The following MASP2 variants were observed in gnomAD, a reference collection of about 807,000 sequenced individuals.
MASP2 encodes the protein mannan-binding lectin serine protease 2.
Under a neutral mutation model 57.1 loss-of-function variants are expected in MASP2, and 49 were observed. That is an observed-to-expected ratio of 0.86 (90% CI 0.68 to 1.09). The LOEUF is 1.09. Among genes scored for constraint, MASP2 ranks in the 50% least tolerant of loss-of-function variants. The probability of loss-of-function intolerance (pLI) is 0.00; values close to 1 mark genes in which losing one functional copy is unlikely to be tolerated. For missense variants in MASP2, 900 were observed against 874.8 expected, an observed-to-expected ratio of 1.03 and a Z score of -0.36; for synonymous variants, 379 against 340.8, an observed-to-expected ratio of 1.11 and a Z score of -1.24.
At chr1:11,043,234 C>T in intron 5 of MASP2, 105 bp downstream of exon 5, 1 of 1,133,300 alleles carries the variant, frequency 8.8e-7, no homozygotes, top group Admixed American at 2.3e-5. Flanking sequence ...GTGGGGGTCA[C>T]CGAGGGTGAC....
intron 4 of MASP2, chr1:11,044,820 T>C (rs935407134): frequency 5.2e-6 from 8 of 1,530,588 alleles, no homozygotes; most frequent in Non-Finnish European, 7.0e-6. Flanking sequence ...AGGTTTATTA[T>C]TGGGTCCATG....
At chr1:11,032,370 G>A (rs944971004) in intron 8 of MASP2, among the ~76,000 whole-genome samples, 1 of 152,166 alleles carries the variant, frequency 6.6e-6, no homozygotes, top group African/African-American at 2.4e-5. Flanking sequence ...GCAGCACTTT[G>A]GGAGGCCAAG....
At chr1:11,028,224 AAAAG>A (rs976620369) in intron 10 of MASP2, among the ~76,000 whole-genome samples, 3 of 152,204 alleles carry the variant, frequency 2.0e-5, no homozygotes, top group Admixed American at 6.5e-5. Context: ...TCTCAAAAAA[AAAAG>A]GAGATTAGGA....
At chr1:11,044,685 A>G in intron 4 of MASP2, 1 of 997,234 alleles carries the variant, frequency 1.0e-6, no homozygotes, top group Admixed American at 2.8e-5. Flanking sequence ...CTGTGGCCCC[A>G]TGGAGGAGGC....
Position 11,030,485 on chromosome 1 carries a change from AATG to A in MASP2, c.1223-238_1223-236del, listed in dbSNP as rs1172078424. The A allele has an allele frequency of 6.0e-5, 35 of 579,476 alleles. No individual in the cohort carries two copies. In the East Asian group the frequency reaches 9.6e-4, roughly 16 times the overall value. The allele number at this position is 579,476 out of a possible 1,614,324, so 35.9% of individuals were successfully genotyped here. A position where few individuals can be genotyped will look rare whatever the true frequency, so the allele number is the denominator to read the frequency against. ...ATATGTATCAAGATCTCAAGTGCTT[AATG>A]ATAAGGTGTTGACTTGTTAAATTAA... On this transcript the variant is annotated intron_variant, in intron 9 of 10. Transcript: ENST00000400897.
Position 11,026,691 on chromosome 1 carries a change from T to C in MASP2, c.*194A>G. 2.4e-6 allele frequency: 1 copy of C among 424,678 alleles called. No homozygotes were observed. 26.3% of individuals were successfully genotyped at this position (424,678 alleles called of 1,614,324 possible). A position where few individuals can be genotyped will look rare whatever the true frequency, so the allele number is the denominator to read the frequency against. On this transcript the variant is annotated 3_prime_UTR_variant, in exon 11 of 11. Coordinates refer to ENST00000400897, the MANE Select transcript of MASP2 (RefSeq NM_006610.4). ...GTCACTCTCGTGGTTTATGTCCCCT[T>C]GAGTCAATGGGTAAGGCTGGAATTA...
chr1:11,037,077 G>A (rs891351976), intron 7 of MASP2, among the ~76,000 whole-genome samples: 4 of 152,018 alleles, frequency 2.6e-5, no homozygotes, highest in Non-Finnish European at 4.4e-5. Flanking sequence ...TTTTGAGACA[G>A]AGTCTTGCTC....
Position 11,030,189 on chromosome 1 carries a change from T to G in MASP2, c.1284A>C (p.Pro428=). The G allele has an allele frequency of 6.2e-7, 1 of 1,612,844 alleles. No individual in the cohort carries two copies. ...WTSSKGEKSL[P]VCEPVCGLSA... ...TGTATCCATTACCAGGCTCACAGAC[T>G]GGGAGTGATTTTTCTCCTTTGGAGC... Residue 428 remains proline (P), a synonymous_variant, in exon 10 of 11, where the codon CCA becomes CCC. Coordinates refer to ENST00000400897, the MANE Select transcript of MASP2 (RefSeq NM_006610.4).
chr1:11,029,641 T>A (rs1643808326), intron 10 of MASP2: 1 of 138,838 alleles, frequency 7.2e-6, no homozygotes, highest in African/African-American at 2.6e-5. Flanking sequence ...AATCTTTTTT[T>A]TTTTTTTTTT....
At chr1:11,040,219 C>T (rs1217619789) in intron 6 of MASP2, among the ~76,000 whole-genome samples, 2 of 150,870 alleles carry the variant, frequency 1.3e-5, no homozygotes, top group Non-Finnish European at 3.0e-5. Context: ...GCCTGTAATC[C>T]CAGCACTTCG....
chr1:11,026,979 C>A lies in MASP2; in HGVS notation c.1967G>T (p.Gly656Val). 1 of 1,585,274 alleles carries A rather than the reference C, an allele frequency of 6.3e-7. No individual in the cohort carries two copies. The highest frequency in any genetic ancestry group is 8.6e-7 in the Non-Finnish European group (1 of 1,167,274). ...RWFVGGIVSWGSMNCGEAGQY... is the reference protein window; with the variant it reads ...RWFVGGIVSWVSMNCGEAGQY... The stretch of plus-strand genomic sequence containing the variant: ...ACCTGCTTCCCCACAATTCATGGAA[C>A]CCCAGGACACTATTCCTCCCACAAA... Residue 656 changes from glycine (G) to valine (V), a missense_variant, in exon 11 of 11, where the codon GGT (glycine) becomes GTT (valine). Transcript: ENST00000400897.
rs372402760 is a variant in MASP2 at position 11,027,636 on chromosome 1, G to C, written c.1310C>G (p.Ser437Ter). ...LPVCEPVCGL[S>*]ARTTGGRIYG... is the part of the protein sequence containing the mutation. ...TATACGCCCTCCTGTTGTGCGGGCT[G>C]ATAGTCCACAAACTGGAGAAAGAAG... Residue 437 changes from serine (S) to a stop codon, truncating the protein, a stop_gained, in exon 11 of 11, where the codon TCA becomes TGA. Coordinates refer to ENST00000400897, the MANE Select transcript of MASP2 (RefSeq NM_006610.4). LOFTEE classifies it low-confidence loss of function (END_TRUNC). 6.2e-7 allele frequency: 1 copy of C among 1,604,452 alleles called. No homozygotes were observed. Among genetic ancestry groups the C allele is most frequent in the African/African-American group, 1.3e-5 (1 of 74,554 alleles).
chr1:11,031,730 A>C (rs1457660792), intron 8 of MASP2, among the ~76,000 whole-genome samples: 2 of 151,878 alleles, frequency 1.3e-5, no homozygotes, highest in Admixed American at 1.3e-4. Flanking sequence ...GGAGTTCAGG[A>C]CCAGTCTGGG....
intron 7 of MASP2, 74 bp downstream of exon 7, chr1:11,037,619 A>C: frequency 2.3e-6 from 2 of 879,934 alleles, no homozygotes; most frequent in Non-Finnish European, 3.5e-6. Context: ...TTCCTTTCAC[A>C]TATCTGCAGA....
intron 8 of MASP2, among the ~76,000 whole-genome samples, 174 bp from the exon 9 acceptor site, chr1:11,031,056 G>A (rs921534285): frequency 4.0e-5 from 6 of 151,878 alleles, no homozygotes; most frequent in South Asian, 4.2e-4. Flanking sequence ...TTAAAAAGCC[G>A]AGCATGGTGG....
In MASP2 at chr1:11,030,244, T is replaced by C. The variant is rs370149868; in HGVS notation, c.1229A>G (p.Tyr410Cys). Residue 410 changes from tyrosine to cysteine, a missense_variant, in exon 10 of 11, where the codon TAT becomes TGT. By Grantham distance (194) the Tyr-to-Cys change is radical. Transcript: ENST00000400897. ...CCAGAATCCATCAGCCTCACACACA[T>C]ATTTACCTGCAAATCATTGGAAAAG... Reference protein sequence around the residue: ...FYTMKVNDGKYVCEADGFWTS... With the variant: ...FYTMKVNDGKCVCEADGFWTS... 5.6e-6 allele frequency: 9 copies of C among 1,612,418 alleles called. No homozygotes were observed. Among genetic ancestry groups the C allele is most frequent in the East Asian group, 4.5e-5 (2 of 44,856 alleles).
chr1:11,043,983 C>T (rs1165308643), intron 4 of MASP2, among the ~76,000 whole-genome samples: 5 of 152,084 alleles, frequency 3.3e-5, no homozygotes, highest in African/African-American at 9.7e-5. Flanking sequence ...CCTGGGAATT[C>T]GGGAAAAGAG....
chr1:11,034,826 A>C lies in MASP2; in HGVS notation c.1087+2T>G, dbSNP rs1643876025. ...GGGCCTGTAGTCACCACACGACCGTACTGCTGCACGCGGGCATTGGCCGGT... is the reference window on the plus strand; with the variant it reads ...GGGCCTGTAGTCACCACACGACCGTCCTGCTGCACGCGGGCATTGGCCGGT... On this transcript the variant is annotated splice_donor_variant, in intron 8 of 10. Transcript: ENST00000400897. LOFTEE classifies it high-confidence loss of function. 1 of 1,610,418 alleles carries C rather than the reference A, an allele frequency of 6.2e-7. No individual in the cohort carries two copies. The highest frequency in any genetic ancestry group is 1.7e-5 in the Admixed American group (1 of 59,528).
rs780395287 is a variant in MASP2, at chr1:11,044,984, A to G, written c.544+424T>C. 13 of 1,606,840 alleles carry G rather than the reference A, an allele frequency of 8.1e-6. No homozygotes were observed. The Admixed American group carries it at 2.2e-4, about 27-fold the overall frequency. On this transcript the variant is annotated intron_variant, in intron 4 of 10. Transcript: ENST00000400897. ...AGAGAGATCAGAGAGGCAAGGAGAGACACCGAGAGGGAGAAACCGAGTCGG... is the reference window on the plus strand; with the variant it reads ...AGAGAGATCAGAGAGGCAAGGAGAGGCACCGAGAGGGAGAAACCGAGTCGG...
Sources: allele counts gnomAD v4.1 joint callset (sites outside exome capture counted in the v4.1 genomes callset), GRCh38; gene constraint gnomAD v4.1.1; transcripts MANE v1.5; gene names NCBI Gene and HGNC (gene_info 2026-07-23, HGNC 2026-07-21).